RPS6KA6: variants seen among roughly 807,000 people sequenced by gnomAD.
RPS6KA6 encodes ribosomal protein S6 kinase alpha-6.
Under a neutral mutation model 65.4 loss-of-function variants are expected in RPS6KA6, and 27 were observed. The ratio of observed to expected loss-of-function variants is 0.41; its 90% CI spans 0.30 to 0.57. The LOEUF (loss-of-function observed/expected upper bound fraction) is 0.57, where lower values mean the gene tolerates loss of function less well. Among genes scored for constraint, RPS6KA6 ranks in the 20% least tolerant of loss-of-function variants. The pLI is 0.24. For synonymous variants in RPS6KA6, 190 were observed against 184.2 expected, an observed-to-expected ratio of 1.03 and a Z score of -0.26; for missense variants, 486 against 555.6, an observed-to-expected ratio of 0.87 and a Z score of 1.26.
chrX:84,147,630 G>A (rs2035222513), intron 4 of RPS6KA6, among the ~76,000 whole-genome samples: 1 of 111,272 alleles, frequency 9.0e-6, no homozygotes, highest in Non-Finnish European at 1.9e-5. Context: ...TCTTTTAATT[G>A]TTCAAATGAG....
intron 1 of RPS6KA6, among the ~76,000 whole-genome samples, chrX:84,172,171 TGCTGCAATAAATAGG>T (rs1187367011): frequency 8.9e-6 from 1 of 112,055 alleles, no homozygotes; most frequent in African/African-American, 3.2e-5. Context: ...TTATATATAG[TGCTGCAATAAATAGG>T]GCTGCAATAA....
intron 2 of RPS6KA6, 77 bp from the exon 3 acceptor site, chrX:84,156,268 A>G (rs2035414777): frequency 3.7e-6 from 2 of 538,251 alleles, no homozygotes; most frequent in African/African-American, 2.3e-5. Context: ...ATCAGAAGTC[A>G]TAATAGAAAT....
chrX:84,164,461 T>G, intron 1 of RPS6KA6, 74 bp from the exon 2 acceptor site: 2 of 706,967 alleles, frequency 2.8e-6, no homozygotes, highest in East Asian at 6.7e-5. Flanking sequence ...AATATAACCC[T>G]AGGCATTTCC....
chrX:84,064,537 C>A lies in RPS6KA6; in HGVS notation c.2113-135G>T, dbSNP rs943299784. 17 of 536,139 alleles carry A rather than the reference C, an allele frequency of 3.2e-5. No homozygotes were observed. In the African/African-American group the frequency reaches 3.8e-4, roughly 12 times the overall value. 44.2% of individuals were successfully genotyped at this position (536,139 alleles called of 1,213,427 possible). A position where few individuals can be genotyped will look rare whatever the true frequency, so the allele number is the denominator to read the frequency against. Reference sequence around the variant, plus strand: ...AGGAAAATAATTGAATATATTAGATCTGTGCACTGATGAATCAATATTACT... The same window carrying A: ...AGGAAAATAATTGAATATATTAGATATGTGCACTGATGAATCAATATTACT... On this transcript the variant is annotated intron_variant, in intron 21 of 21. Coordinates refer to ENST00000262752, the MANE Select transcript of RPS6KA6 (RefSeq NM_014496.5).
intron 8 of RPS6KA6, among the ~76,000 whole-genome samples, chrX:84,128,915 T>G (rs1014853127): frequency 4.5e-5 from 5 of 111,851 alleles, no homozygotes; most frequent in African/African-American, 1.6e-4. Context: ...TGGATAAACT[T>G]GCCAGCATAT....
intron 1 of RPS6KA6, among the ~76,000 whole-genome samples, chrX:84,169,222 G>A (rs1255454903): frequency 2.7e-5 from 3 of 111,104 alleles, no homozygotes; most frequent in African/African-American, 9.8e-5. Flanking sequence ...TCGTACCAGG[G>A]CTTAGAGAAG....
At chrX:84,140,493 T>C (rs1484708398) in intron 6 of RPS6KA6, among the ~76,000 whole-genome samples, 1 of 109,906 alleles carries the variant, frequency 9.1e-6, no homozygotes, top group Non-Finnish European at 1.9e-5. Flanking sequence ...TCCCAGCATT[T>C]TGGGAGGCCA....
chrX:84,063,273 G>A lies in RPS6KA6; in HGVS notation c.*1004C>T, dbSNP rs1431695155. On this transcript the variant is annotated 3_prime_UTR_variant, in exon 22 of 22. Coordinates refer to ENST00000262752, the MANE Select transcript of RPS6KA6 (RefSeq NM_014496.5). ...GTGCTATATGCACAAGTCCACTACA[G>A]CAAGATGTCAACTGTATTATCATAG... 2.7e-5 allele frequency: 3 copies of A among 111,493 alleles called. No homozygotes were observed. The East Asian group carries it at 8.4e-4, about 31-fold the overall frequency. The allele number at this position is 111,493 out of a possible 1,213,427, so 9.2% of individuals were successfully genotyped here. A position where few individuals can be genotyped will look rare whatever the true frequency, so the allele number is the denominator to read the frequency against.
intron 2 of RPS6KA6, among the ~76,000 whole-genome samples, chrX:84,158,398 T>C (rs2035451275): frequency 9.0e-6 from 1 of 110,869 alleles, no homozygotes; most frequent in Non-Finnish European, 1.9e-5. Context: ...AAATTATTCT[T>C]AAATATAGTC....
chrX:84,096,486 T>C (rs1262490918), intron 19 of RPS6KA6, among the ~76,000 whole-genome samples, 175 bp from the exon 20 acceptor site: 1 of 111,602 alleles, frequency 9.0e-6, no homozygotes, highest in African/African-American at 3.2e-5. Context: ...TTAACCTTAA[T>C]AAAATGTTTA....
intron 1 of RPS6KA6, among the ~76,000 whole-genome samples, chrX:84,176,610 T>C (rs1442899732): frequency 8.9e-6 from 1 of 111,959 alleles, no homozygotes; most frequent in African/African-American, 3.2e-5. Context: ...CAAAGTACAA[T>C]TGTGTTACTT....
chrX:84,187,515 C>T (rs1412742658), intron 1 of RPS6KA6: 1 of 234,961 alleles, frequency 4.3e-6, no homozygotes. Context: ...CCCCGCCAGT[C>T]CCCCAGTTCC....
At position 84,059,113 on chromosome X, in the gene RPS6KA6, T is replaced by C. The variant is rs1375221669; in HGVS notation, c.*5164A>G. Reference sequence around the variant, plus strand: ...TAACTTTTTAAATGGCTGTTTCTTTTCTTTTTTTTTTTTTTTTTTTTTTTT... The same window carrying C: ...TAACTTTTTAAATGGCTGTTTCTTTCCTTTTTTTTTTTTTTTTTTTTTTTT... On this transcript the variant is annotated 3_prime_UTR_variant, in exon 22 of 22. Coordinates refer to ENST00000262752, the MANE Select transcript of RPS6KA6 (RefSeq NM_014496.5). 2.4e-5 allele frequency: 2 copies of C among 81,795 alleles called. No individual in the cohort carries two copies. Among genetic ancestry groups the C allele is most frequent in the Non-Finnish European group, 4.8e-5 (2 of 41,731 alleles). 6.7% of individuals were successfully genotyped at this position (81,795 alleles called of 1,213,427 possible).
chrX:84,170,538 G>A (rs1169103434), intron 1 of RPS6KA6, among the ~76,000 whole-genome samples: 1 of 109,605 alleles, frequency 9.1e-6, no homozygotes, highest in Non-Finnish European at 1.9e-5. Flanking sequence ...GCTGAGGCAG[G>A]AGAACTACTT....
At chrX:84,178,753 C>A (rs2035805204) in intron 1 of RPS6KA6, among the ~76,000 whole-genome samples, 1 of 111,388 alleles carries the variant, frequency 9.0e-6, no homozygotes, top group African/African-American at 3.3e-5. Context: ...TTCTATCACA[C>A]TACCCACCAT....
Position 84,064,976 on chromosome X carries a change from C to T in RPS6KA6, c.2107G>A (p.Val703Ile). The T allele has an allele frequency of 1.7e-6, 2 of 1,204,155 alleles. No homozygotes were observed. Among genetic ancestry groups the T allele is most frequent in the Non-Finnish European group, 2.2e-6 (2 of 890,521 alleles). The change falls in exon 21 of 22, where the codon GTT becomes ATT. Residue 703 changes from valine (V) to isoleucine (I), a missense_variant. Physicochemically the swap from Val to Ile is conservative, Grantham distance 29 (BLOSUM62 3). This residue lies in a region of RPS6KA6 where 345 missense variants were observed against 375.0 expected (regional missense o/e 0.92). Transcript: ENST00000262752. ...TAAAAGTATGTTTGTTTTACCTTAA[C>T]AACATGTGACACATCATTTCTCTTT... ...QPKRNDVSHVVKGAMVATYSA... is the reference protein window; with the variant it reads ...QPKRNDVSHVIKGAMVATYSA...
At chrX:84,113,540 T>C (rs961027433) in intron 12 of RPS6KA6, among the ~76,000 whole-genome samples, 1 of 112,064 alleles carries the variant, frequency 8.9e-6, no homozygotes, top group Non-Finnish European at 1.9e-5. Context: ...AATCACCACA[T>C]AAACAAAATT....
chrX:84,157,919 C>G, intron 2 of RPS6KA6, among the ~76,000 whole-genome samples: 1 of 109,340 alleles, frequency 9.1e-6, no homozygotes, highest in Non-Finnish European at 1.9e-5. Flanking sequence ...CAATGTCTTT[C>G]AATTTTCAGC....
At chrX:84,111,264 A>G (rs2147448765) in intron 12 of RPS6KA6, among the ~76,000 whole-genome samples, 1 of 111,406 alleles carries the variant, frequency 9.0e-6, no homozygotes, top group Admixed American at 9.6e-5. Context: ...TGGAAAGCAT[A>G]ATTGAGGAAC....
Sources: gnomAD v4.1 joint callset for allele counts (sites outside exome capture counted in the v4.1 genomes callset) on GRCh38, gnomAD v4.1.1 for gene constraint, gnomAD v4.1.1 regional missense constraint, MANE v1.5 for transcripts, NCBI Gene and HGNC (gene_info 2026-07-23, HGNC 2026-07-21) for gene names.